EIF2B3: variants seen among roughly 807,000 people sequenced by gnomAD.
The protein encoded by EIF2B3 is eukaryotic translation initiation factor 2B subunit gamma.
EIF2B3 carries 20 observed loss-of-function variants against 54.1 expected under a neutral mutation model. The ratio of observed to expected loss-of-function variants is 0.37; its 90% CI spans 0.26 to 0.54. The LOEUF (loss-of-function observed/expected upper bound fraction) is 0.54, where lower values mean the gene tolerates loss of function less well. EIF2B3 is among the 20% of genes least tolerant of loss of function. The probability of loss-of-function intolerance (pLI) is 0.86; values close to 1 mark genes in which losing one functional copy is unlikely to be tolerated. For synonymous variants in EIF2B3, 153 were observed against 188.1 expected, an observed-to-expected ratio of 0.81 and a Z score of 1.52; for missense variants, 448 against 547.8, an observed-to-expected ratio of 0.82 and a Z score of 1.82.
chr1:44,960,793 A>G, intron 3 of EIF2B3, among the ~76,000 whole-genome samples: 1 of 152,216 alleles, frequency 6.6e-6, no homozygotes, highest in East Asian at 1.9e-4. Context: ...CAACATGAGC[A>G]TCCAAGGATT....
rs1654480294 is a variant in EIF2B3 at position 44,857,627 on chromosome 1, C to T, written c.1306+77G>A. 4.5e-5 allele frequency: 63 copies of T among 1,392,088 alleles called. No homozygotes were observed. The South Asian group carries it at 6.8e-4, about 15-fold the overall frequency. The allele number at this position is 1,392,088 out of a possible 1,614,324, so 86.2% of individuals were successfully genotyped here. ...AGTGTACGTATGTGCTTGTTTCCCA[C>T]ATCCTCACCAGCCTTTGGCATTATC... On this transcript the variant is annotated intron_variant, in intron 11 of 11. Transcript: ENST00000360403.
At chr1:44,983,623 G>A (rs985543968) in intron 1 of EIF2B3, among the ~76,000 whole-genome samples, 3 of 150,454 alleles carry the variant, frequency 2.0e-5, no homozygotes, top group African/African-American at 7.3e-5. Context: ...TGTAATCCCA[G>A]CACTTTGGGA....
At chr1:44,938,298 T>G (rs2148939439) in intron 4 of EIF2B3, among the ~76,000 whole-genome samples, 1 of 152,288 alleles carries the variant, frequency 6.6e-6, no homozygotes, top group South Asian at 2.1e-4. Context: ...TAGGTGAATC[T>G]TAGCCTTCAA....
At chr1:44,860,262 G>C (rs1183369000) in intron 10 of EIF2B3, among the ~76,000 whole-genome samples, 2 of 152,124 alleles carry the variant, frequency 1.3e-5, no homozygotes, top group Non-Finnish European at 1.5e-5. Flanking sequence ...TGATCCTCCT[G>C]CTTCAGCCCC....
At chr1:44,899,481 G>T (rs1656100979) in intron 5 of EIF2B3, among the ~76,000 whole-genome samples, 1 of 151,976 alleles carries the variant, frequency 6.6e-6, no homozygotes, top group Non-Finnish European at 1.5e-5. Context: ...AAATCAACAA[G>T]CAAAAAACAA....
At chr1:44,901,805 C>T (rs1219003808) in intron 5 of EIF2B3, among the ~76,000 whole-genome samples, 3 of 152,090 alleles carry the variant, frequency 2.0e-5, no homozygotes, top group Admixed American at 2.0e-4. Flanking sequence ...AGCAATCCAC[C>T]TGGTTTGGCC....
At chr1:44,966,760 A>C (rs914332723) in intron 3 of EIF2B3, among the ~76,000 whole-genome samples, 2 of 152,204 alleles carry the variant, frequency 1.3e-5, no homozygotes, top group Non-Finnish European at 2.9e-5. Context: ...GATTAAAATA[A>C]CATTCCTATA....
chr1:44,953,822 T>C (rs1356590237), intron 3 of EIF2B3, among the ~76,000 whole-genome samples: 4 of 152,064 alleles, frequency 2.6e-5, no homozygotes, highest in African/African-American at 9.7e-5. Context: ...AACAACAGCA[T>C]TTACAACAGG....
At chr1:44,877,878 C>T (rs1569593541) in intron 8 of EIF2B3, among the ~76,000 whole-genome samples, 1 of 152,152 alleles carries the variant, frequency 6.6e-6, no homozygotes, top group African/African-American at 2.4e-5. Flanking sequence ...AATTCCAAGC[C>T]CCCAGCCCTA....
intron 5 of EIF2B3, among the ~76,000 whole-genome samples, chr1:44,900,320 A>G (rs1643255764): frequency 6.6e-6 from 1 of 151,794 alleles, no homozygotes; most frequent in Admixed American, 6.6e-5. Context: ...GCTGGCGGAT[A>G]CCTGTAATCC....
chr1:44,965,864 A>G (rs1310988032), intron 3 of EIF2B3, among the ~76,000 whole-genome samples: 1 of 151,548 alleles, frequency 6.6e-6, no homozygotes, highest in African/African-American at 2.4e-5. Flanking sequence ...GGTCTGGAAC[A>G]CCTGACCTCA....
At chr1:44,955,921 A>G (rs1644218835) in intron 3 of EIF2B3, among the ~76,000 whole-genome samples, 1 of 152,198 alleles carries the variant, frequency 6.6e-6, no homozygotes, top group South Asian at 2.1e-4. Context: ...GTGGTAGTGT[A>G]AAATAGTTCA....
At chr1:44,978,153 C>T (rs1318331964) in intron 3 of EIF2B3, among the ~76,000 whole-genome samples, 162 bp downstream of exon 3, 3 of 152,146 alleles carry the variant, frequency 2.0e-5, no homozygotes, top group Non-Finnish European at 2.9e-5. Context: ...ATTGCTTGAA[C>T]CCGGGAGGTG....
chr1:44,880,733 C>T (rs1356197884), intron 7 of EIF2B3, among the ~76,000 whole-genome samples: 15 of 152,080 alleles, frequency 9.9e-5, no homozygotes, highest in Non-Finnish European at 7.4e-5. Context: ...GAGGCCGAGG[C>T]GGGTGGATCA....
intron 8 of EIF2B3, among the ~76,000 whole-genome samples, chr1:44,876,810 G>A (rs1655176342): frequency 6.9e-6 from 1 of 145,848 alleles, no homozygotes; most frequent in Non-Finnish European, 1.5e-5. Context: ...TCTGTGTAGA[G>A]AGAAGTAGAC....
intron 3 of EIF2B3, among the ~76,000 whole-genome samples, chr1:44,943,103 T>C (rs1418830267): frequency 2.0e-5 from 3 of 151,906 alleles, no homozygotes; most frequent in Admixed American, 1.3e-4. Context: ...GTGATCCACC[T>C]GCCTTGGCCT....
At chr1:44,937,032 T>C (rs1557694018) in intron 4 of EIF2B3, among the ~76,000 whole-genome samples, 1 of 152,210 alleles carries the variant, frequency 6.6e-6, no homozygotes, top group Non-Finnish European at 1.5e-5. Context: ...CCTTGTGCTC[T>C]TAACAATCAT....
chr1:44,927,577 A>G (rs1643865834), intron 4 of EIF2B3, among the ~76,000 whole-genome samples: 1 of 152,202 alleles, frequency 6.6e-6, no homozygotes, highest in South Asian at 2.1e-4. Context: ...TGAGTGTCCT[A>G]TAGCACATGC....
intron 4 of EIF2B3, among the ~76,000 whole-genome samples, chr1:44,938,478 TTCTCTC>T (rs141848663): frequency 4.1e-5 from 6 of 144,778 alleles, no homozygotes; most frequent in Admixed American, 6.9e-5. Flanking sequence ...GAGACCTAAT[TTCTCTC>T]TCTCTCTCTC....
Sources: gnomAD v4.1 joint callset for allele counts (sites outside exome capture counted in the v4.1 genomes callset) on GRCh38, gnomAD v4.1.1 for gene constraint, MANE v1.5 for transcripts, NCBI Gene and HGNC (gene_info 2026-07-23, HGNC 2026-07-21) for gene names.